SRRM5: variants seen among roughly 807,000 people sequenced by gnomAD.
SRRM5 encodes serine/arginine repetitive matrix 5.
SRRM5 carries 1 observed loss-of-function variant against 1.3 expected under a neutral mutation model. That is an observed-to-expected ratio of 0.76 (90% CI 0.27 to 3.59). SRRM5 has a LOEUF of 3.59. Among genes scored for constraint, SRRM5 ranks in the 30% most tolerant of loss-of-function variants. SRRM5 has a pLI of 0.19. For missense variants in SRRM5, 875 were observed against 914.5 expected (o/e 0.96, Z 0.56); for synonymous variants, 275 against 320.2 (o/e 0.86, Z 1.51).
In SRRM5 at chr19:43,614,497, C is replaced by T. The variant is rs1360669119; in HGVS notation, c.*228C>T. 4.3e-6 allele frequency: 6 copies of T among 1,401,930 alleles called. No individual in the cohort carries two copies. In the Admixed American group the frequency reaches 1.5e-4, roughly 36 times the overall value. The allele number at this position is 1,401,930 out of a possible 1,614,324, so 86.8% of individuals were successfully genotyped here. A position where few individuals can be genotyped will look rare whatever the true frequency, so the allele number is the denominator to read the frequency against. ...TAAATTTTTACATAGCACCCATCCC[C>T]ACCAAGCCCAACTGTGTGCTCACTG... On this transcript the variant is annotated 3_prime_UTR_variant, in exon 1 of 1. Transcript: ENST00000417606.
Position 43,614,459 on chromosome 19 carries a change from T to G in SRRM5, c.*190T>G, listed in dbSNP as rs760803673. 1 of 1,433,670 alleles carries G rather than the reference T, an allele frequency of 7.0e-7. No homozygotes were observed. Among genetic ancestry groups the G allele is most frequent in the East Asian group, 2.5e-5 (1 of 39,888 alleles). 88.8% of individuals were successfully genotyped at this position (1,433,670 alleles called of 1,614,324 possible). On this transcript the variant is annotated 3_prime_UTR_variant, in exon 1 of 1. Transcript: ENST00000417606. ...GCTGGATAGGGGGAAAGGAAAGACCTGTGATGATTCAATAAATTTTTACAT... is the reference window on the plus strand; with the variant it reads ...GCTGGATAGGGGGAAAGGAAAGACCGGTGATGATTCAATAAATTTTTACAT...
At position 43,612,709 on chromosome 19, in the gene SRRM5, C is replaced by G; in HGVS notation, c.588C>G (p.Tyr196Ter). The change falls in exon 3 of 3, where the codon TAC becomes TAG. Residue 196 changes from tyrosine to a stop codon, truncating the protein, a stop_gained. Transcript: ENST00000607544. LOFTEE classifies it low-confidence loss of function (END_TRUNC). This position sits in a 1 kb window ranked among gnomAD's most constrained non-coding sequence, Gnocchi z 4.2. ...CTAGAAATCTGAGCAAGAAGAGTTA[C>G]CGCCCACCAGGAGGCTCAGGTATAG... is the stretch of plus-strand genomic sequence containing the variant. 6.4e-7 allele frequency: 1 copy of G among 1,551,602 alleles called. No homozygotes were observed. Among genetic ancestry groups the G allele is most frequent in the Non-Finnish European group, 8.7e-7 (1 of 1,146,986 alleles).
At position 43,614,464 on chromosome 19, in the gene SRRM5, T is replaced by G. The variant is rs907085378; in HGVS notation, c.*195T>G. ...ATAGGGGGAAAGGAAAGACCTGTGA[T>G]GATTCAATAAATTTTTACATAGCAC... On this transcript the variant is annotated 3_prime_UTR_variant, in exon 1 of 1. Coordinates refer to ENST00000417606, the MANE Select transcript of SRRM5 (RefSeq NM_001145641.2). 6.2e-5 allele frequency: 89 copies of G among 1,431,406 alleles called. No individual in the cohort carries two copies. The highest frequency in any genetic ancestry group is 1.5e-4 in the Admixed American group (5 of 33,870). The allele number at this position is 1,431,406 out of a possible 1,614,324, so 88.7% of individuals were successfully genotyped here.
In SRRM5 at chr19:43,612,162, T is replaced by G. The variant is rs1182945116; in HGVS notation, c.41T>G (p.Leu14Arg). The change falls in exon 1 of 1, where the codon CTG (leucine) becomes CGG (arginine). Residue 14 changes from leucine (L) to arginine (R), a missense_variant. Leu to Arg is a moderately radical substitution (Grantham distance 102). Coordinates refer to ENST00000417606, the MANE Select transcript of SRRM5 (RefSeq NM_001145641.2). The surrounding 1 kb of genome is among the most constrained non-coding windows in gnomAD (Gnocchi z 4.2). ...PKRSSKPSMS[L>R]APSGSSMPTA... ...AGATCTTCAAAGCCCAGTATGTCTC[T>G]GGCACCCAGTGGATCCTCCATGCCC... 1.9e-6 allele frequency: 3 copies of G among 1,551,612 alleles called. No individual in the cohort carries two copies. In the Admixed American group the frequency reaches 5.9e-5, roughly 30 times the overall value.
In SRRM5 at chr19:43,613,925, CAG is replaced by C. The variant is rs760632303; in HGVS notation, c.1807_1808del (p.Ser603TrpfsTer6). Reference sequence around the variant, plus strand: ...CAGCCGATCTAGAAGCCCCAATAAGCAGAGTGGTTACAGTCGACCTAGAGCCT... The same window carrying C: ...CAGCCGATCTAGAAGCCCCAATAAGCAGTGGTTACAGTCGACCTAGAGCCT... On this transcript the variant is annotated frameshift_variant, in exon 3 of 3. Coordinates refer to the SRRM5 transcript ENST00000607544. LOFTEE classifies it low-confidence loss of function (END_TRUNC). The C allele has an allele frequency of 9.7e-6, 15 of 1,551,562 alleles. No homozygotes were observed. In the East Asian group the frequency reaches 2.0e-4, roughly 20 times the overall value.
rs1973313437 is a variant in SRRM5, at chr19:43,612,648, C to G, written c.527C>G (p.Pro176Arg). The G allele has an allele frequency of 4.5e-6, 7 of 1,551,264 alleles. No homozygotes were observed. The highest frequency in any genetic ancestry group is 1.4e-5 in the African/African-American group (1 of 73,026). ...AGCCGGGGAAAGAGTTACGGCCGGC[C>G]TAGAACCAGCAACAGGGAAAGGAGT... ...KGSRGKSYGR[P>R]RTSNRERSDS... is the part of the protein sequence containing the mutation. Residue 176 changes from proline (P) to arginine (R), a missense_variant, in exon 1 of 1, where the codon CCT (proline) becomes CGT (arginine). Transcript: ENST00000417606. This position sits in a 1 kb window ranked among gnomAD's most constrained non-coding sequence, Gnocchi z 4.2.
chr19:43,612,120 C>T lies in SRRM5; in HGVS notation c.-2C>T. On this transcript the variant is annotated 5_prime_UTR_variant, in exon 1 of 1. Transcript: ENST00000417606. The surrounding 1 kb of genome is among the most constrained non-coding windows in gnomAD (Gnocchi z 4.2). ...AGGACCACAAGCCCTTTTGCGCCCA[C>T]CATGTCTTCACCTAAGAGATCTTCA... 1 of 1,550,892 alleles carries T rather than the reference C, an allele frequency of 6.4e-7. No individual in the cohort carries two copies. The highest frequency in any genetic ancestry group is 8.7e-7 in the Non-Finnish European group (1 of 1,146,336).
chr19:43,614,284 TG>T lies in SRRM5; in HGVS notation c.*17del. 1 of 1,611,798 alleles carries T rather than the reference TG, an allele frequency of 6.2e-7. No homozygotes were observed. Among genetic ancestry groups the T allele is most frequent in the Non-Finnish European group, 8.5e-7 (1 of 1,178,632 alleles). On this transcript the variant is annotated 3_prime_UTR_variant, in exon 1 of 1. Coordinates refer to ENST00000417606, the MANE Select transcript of SRRM5 (RefSeq NM_001145641.2). ...AGCTGGCGTAGCCCCCAGTCTCAGC[TG>T]GCTCACGGGTCTCTGTCATGACCGG...
At position 43,613,473 on chromosome 19, in the gene SRRM5, G is replaced by C; in HGVS notation, c.1352G>C (p.Arg451Pro). 1.3e-6 allele frequency: 2 copies of C among 1,544,282 alleles called. No homozygotes were observed. Among genetic ancestry groups the C allele is most frequent in the Non-Finnish European group, 1.7e-6 (2 of 1,145,990 alleles). ...RSPYKARDRS[R>P]SRSPNKARDH... Reference sequence around the variant, plus strand: ...CCCTACAAGGCGAGAGATCGCAGCCGATCTAGAAGTCCCAACAAGGCAAGA... The same window carrying C: ...CCCTACAAGGCGAGAGATCGCAGCCCATCTAGAAGTCCCAACAAGGCAAGA... The change falls in exon 1 of 1, where the codon CGA becomes CCA. Residue 451 changes from arginine (R) to proline (P), a missense_variant. Coordinates refer to ENST00000417606, the MANE Select transcript of SRRM5 (RefSeq NM_001145641.2).
chr19:43,612,596 A>G lies in SRRM5; in HGVS notation c.475A>G (p.Arg159Gly). ...GARPGMASRV[R>G]TPTSQQKGSR... Reference sequence around the variant, plus strand: ...CAGACCAGGCATGGCCAGCAGGGTGAGAACTCCCACTTCACAGCAAAAAGG... The same window carrying G: ...CAGACCAGGCATGGCCAGCAGGGTGGGAACTCCCACTTCACAGCAAAAAGG... The change falls in exon 1 of 1, where the codon AGA (arginine) becomes GGA (glycine). Residue 159 changes from arginine (R) to glycine (G), a missense_variant. By Grantham distance (125) the Arg-to-Gly change is moderately radical. Transcript: ENST00000417606. The surrounding 1 kb of genome is among the most constrained non-coding windows in gnomAD (Gnocchi z 4.2). The G allele has an allele frequency of 6.4e-7, 1 of 1,551,626 alleles. No homozygotes were observed. The highest frequency in any genetic ancestry group is 2.0e-5 in the Admixed American group (1 of 51,010).
Position 43,614,392 on chromosome 19 carries a change from C to A in SRRM5, c.*123C>A. Reference sequence around the variant, plus strand: ...AGCTCTCCACAGCCACACCTCCGGCCACAAGTTCTCTAATACAGGATGTTG... The same window carrying A: ...AGCTCTCCACAGCCACACCTCCGGCAACAAGTTCTCTAATACAGGATGTTG... On this transcript the variant is annotated 3_prime_UTR_variant, in exon 1 of 1. Transcript: ENST00000417606. The A allele has an allele frequency of 1.3e-6, 2 of 1,503,714 alleles. No individual in the cohort carries two copies. The highest frequency in any genetic ancestry group is 2.7e-5 in the South Asian group (2 of 73,480). 93.1% of individuals were successfully genotyped at this position (1,503,714 alleles called of 1,614,324 possible). A position where few individuals can be genotyped will look rare whatever the true frequency, so the allele number is the denominator to read the frequency against.
At position 43,614,001 on chromosome 19, in the gene SRRM5, G is replaced by A; in HGVS notation, c.1880G>A (p.Gly627Glu). ...HSRSRTPSKE[G>E]NHSQSRTSSK... ...CGATCTAGAACCCCCAGCAAAGAAG[G>A]AAATCATAGCCAATCTAGAACCTCT... The change falls in exon 1 of 1, where the codon GGA becomes GAA. Residue 627 changes from glycine to glutamate, a missense_variant. Coordinates refer to ENST00000417606, the MANE Select transcript of SRRM5 (RefSeq NM_001145641.2). The A allele has an allele frequency of 6.4e-7, 1 of 1,551,750 alleles. No homozygotes were observed. Among genetic ancestry groups the A allele is most frequent in the Non-Finnish European group, 8.7e-7 (1 of 1,146,992 alleles).
rs1348720902 is a variant in SRRM5, at chr19:43,614,203, C to T, written c.2082C>T (p.Asp694=). 6.8e-6 allele frequency: 11 copies of T among 1,614,206 alleles called. No individual in the cohort carries two copies. The highest frequency in any genetic ancestry group is 4.5e-5 in the East Asian group (2 of 44,892). The change falls in exon 1 of 1, where the codon GAC becomes GAT. Residue 694 remains aspartate, a synonymous_variant. Transcript: ENST00000417606. ...TAAGCCAGGATGACAGTCAAGCCGACGCCACCACCTCTAAGGCCACCTTAC... is the reference window on the plus strand; with the variant it reads ...TAAGCCAGGATGACAGTCAAGCCGATGCCACCACCTCTAAGGCCACCTTAC... The part of the protein sequence containing the change: ...QTLSQDDSQA[D]ATTSKATLPG...
chr19:43,612,534 G>A lies in SRRM5; in HGVS notation c.413G>A (p.Arg138Lys), dbSNP rs1031268481. Residue 138 changes from arginine (R) to lysine (K), a missense_variant, in exon 1 of 1, where the codon AGG becomes AAG. Physicochemically the swap from Arg to Lys is conservative, Grantham distance 26. Coordinates refer to ENST00000417606, the MANE Select transcript of SRRM5 (RefSeq NM_001145641.2). The surrounding 1 kb of genome is among the most constrained non-coding windows in gnomAD (Gnocchi z 4.2). The stretch of plus-strand genomic sequence containing the variant: ...CGCAGCTCCAAGAGGTCACCCAGCA[G>A]GGCCAGCACTCCTGGCAGGATAAGA... Reference protein sequence around the residue: ...GSRSSKRSPSRASTPGRIRTH... With the variant: ...GSRSSKRSPSKASTPGRIRTH... 1.5e-5 allele frequency: 24 copies of A among 1,551,334 alleles called. No individual in the cohort carries two copies. The highest frequency in any genetic ancestry group is 1.7e-4 in the Middle Eastern group (1 of 6,010).
chr19:43,613,783 G>C lies in SRRM5; in HGVS notation c.1662G>C (p.Glu554Asp), dbSNP rs1198133452. 1.9e-6 allele frequency: 3 copies of C among 1,549,628 alleles called. No individual in the cohort carries two copies. Among genetic ancestry groups the C allele is most frequent in the East Asian group, 4.9e-5 (2 of 40,894 alleles). ...GCCAATCTAGAAGCCCCAGCGAGGA[G>C]AGAGAGCACAGACAATCCAGAAGCC... The part of the protein sequence containing the change: ...DRSQSRSPSE[E>D]REHRQSRSPS... The change falls in exon 1 of 1, where the codon GAG (glutamate) becomes GAC (aspartate). Residue 554 changes from glutamate to aspartate, a missense_variant. By Grantham distance (45) the Glu-to-Asp change is conservative. Coordinates refer to ENST00000417606, the MANE Select transcript of SRRM5 (RefSeq NM_001145641.2).
rs1973322773 is a variant in SRRM5 at position 43,613,159 on chromosome 19, C to G, written c.1038C>G (p.Thr346=). 2 of 1,551,510 alleles carry G rather than the reference C, an allele frequency of 1.3e-6. No individual in the cohort carries two copies. Among genetic ancestry groups the G allele is most frequent in the African/African-American group, 1.4e-5 (1 of 73,022 alleles). ...GGAAAAGTCAAAACCAATCTAGAAC[C>G]CCCAGAAGAGGAAGAAGTCACAACT... The part of the protein sequence containing the change: ...SKGKSQNQSR[T]PRRGRSHNWS... Residue 346 remains threonine (T), a synonymous_variant, in exon 1 of 1, where the codon ACC becomes ACG. Transcript: ENST00000417606.
rs1456231335 is a variant in SRRM5 at position 43,613,647 on chromosome 19, GCAGA to G, written c.1529_1532del (p.Arg510AsnfsTer176). 6.5e-7 allele frequency: 1 copy of G among 1,545,812 alleles called. No individual in the cohort carries two copies. The highest frequency in any genetic ancestry group is 1.2e-5 in the South Asian group (1 of 82,780). On this transcript the variant is annotated frameshift_variant, in exon 3 of 3. Transcript: ENST00000607544. LOFTEE classifies it low-confidence loss of function (END_TRUNC). ...AGAAGCCCCAGCAAGGAGAGACAGT[GCAGA>G]CAATCTAGAAGCTCCAGCAAAGAGA...
chr19:43,614,276 G>C lies in SRRM5; in HGVS notation c.*7G>C. The C allele has an allele frequency of 5.6e-6, 9 of 1,612,850 alleles. No individual in the cohort carries two copies. The highest frequency in any genetic ancestry group is 7.6e-6 in the Non-Finnish European group (9 of 1,179,192). On this transcript the variant is annotated 3_prime_UTR_variant, in exon 1 of 1. Transcript: ENST00000417606. ...TTCTTCCAAGCTGGCGTAGCCCCCA[G>C]TCTCAGCTGGCTCACGGGTCTCTGT...
chr19:43,613,607 G>T lies in SRRM5; in HGVS notation c.1486G>T (p.Asp496Tyr), dbSNP rs777745369. ...ACTTGGAAGCCCCAGCAAAGAGAGA[G>T]ATCACAGACGATCTAGAAGCCCCAG... ...SQLGSPSKERDHRRSRSPSKE... is the reference protein window; with the variant it reads ...SQLGSPSKERYHRRSRSPSKE... The change falls in exon 1 of 1, where the codon GAT becomes TAT. Residue 496 changes from aspartate (D) to tyrosine (Y), a missense_variant. Asp to Tyr is a radical substitution (Grantham distance 160). Coordinates refer to ENST00000417606, the MANE Select transcript of SRRM5 (RefSeq NM_001145641.2). 7 of 1,548,704 alleles carry T rather than the reference G, an allele frequency of 4.5e-6. No individual in the cohort carries two copies. The highest frequency in any genetic ancestry group is 3.9e-5 in the Admixed American group (2 of 50,940).
Sources: gnomAD v4.1 joint callset for allele counts on GRCh38, gnomAD v4.1.1 for gene constraint, Gnocchi (gnomAD v3.1) non-coding constraint, MANE v1.5 for transcripts, NCBI Gene and HGNC (gene_info 2026-07-23, HGNC 2026-07-21) for gene names.